Variants in KLHL32 observed in about 807,000 individuals in gnomAD.
The protein encoded by KLHL32 is kelch-like protein 32.
KLHL32 carries 35 observed loss-of-function variants against 64.8 expected under a neutral mutation model. That is an observed-to-expected ratio of 0.54 (90% CI 0.41 to 0.72). The LOEUF is 0.72. KLHL32 is among the 30% of genes least tolerant of loss of function. The pLI, the probability that KLHL32 is intolerant of heterozygous loss-of-function variation, is 0.00. For synonymous variants in KLHL32, 259 were observed against 281.0 expected, an observed-to-expected ratio of 0.92 and a Z score of 0.78; for missense variants, 589 against 768.5, an observed-to-expected ratio of 0.77 and a Z score of 2.76.
intron 1 of KLHL32, among the ~76,000 whole-genome samples, chr6:96,961,711 G>T (rs1773902379): frequency 6.6e-6 from 1 of 152,190 alleles, no homozygotes; most frequent in Admixed American, 6.5e-5. Flanking sequence ...AGTCGGAAAG[G>T]TGAGGTAATT....
intron 6 of KLHL32, among the ~76,000 whole-genome samples, chr6:97,111,029 T>G (rs1583060479): frequency 1.4e-5 from 2 of 144,688 alleles, no homozygotes; most frequent in East Asian, 4.2e-4. Flanking sequence ...CAGAAAAGTC[T>G]TGGGGGGGGG....
At chr6:96,993,498 TC>T (rs1026240168) in intron 3 of KLHL32, among the ~76,000 whole-genome samples, 3 of 152,154 alleles carry the variant, frequency 2.0e-5, no homozygotes, top group Admixed American at 6.5e-5. Context: ...TTTGCTAATG[TC>T]CCCCCTGCTG....
At chr6:96,950,738 T>A (rs1247591616) in intron 1 of KLHL32, among the ~76,000 whole-genome samples, 3 of 152,228 alleles carry the variant, frequency 2.0e-5, no homozygotes, top group Non-Finnish European at 4.4e-5. Flanking sequence ...ATTAGCATGT[T>A]CGTCACACCA....
chr6:97,070,418 C>T (rs938031716), intron 5 of KLHL32, among the ~76,000 whole-genome samples: 4 of 152,094 alleles, frequency 2.6e-5, no homozygotes, highest in African/African-American at 9.7e-5. Context: ...TGAAATGCAT[C>T]ATAAGATCTG....
intron 3 of KLHL32, chr6:97,025,205 G>A (rs1782547487): frequency 1.2e-6 from 1 of 833,828 alleles, no homozygotes; most frequent in Non-Finnish European, 1.4e-6. Context: ...TATCGTCTTT[G>A]TAAAAATCTG....
chr6:96,914,688 AT>A, the KLHL32 span: 610 of 146,070 alleles, frequency 4.2e-3, 10 homozygotes, highest in African/African-American at 0.015. Context: ...TTTTTCTTTT[AT>A]TTTTTTTTTA....
chr6:97,096,870 G>C (rs568616014), intron 6 of KLHL32, among the ~76,000 whole-genome samples: 1 of 152,298 alleles, frequency 6.6e-6, no homozygotes, highest in Admixed American at 6.5e-5. Context: ...GGATATTCCT[G>C]CCCTTGGTTT....
At chr6:96,911,793 C>T in the KLHL32 span, among the ~76,000 whole-genome samples, 4 of 94,240 alleles carry the variant, frequency 4.2e-5, no homozygotes, top group Non-Finnish European at 8.7e-5. Context: ...TTGAAATATT[C>T]TTTTTCCATA....
intron 1 of KLHL32, among the ~76,000 whole-genome samples, chr6:96,938,788 C>G (rs1330088445): frequency 3.9e-5 from 6 of 152,316 alleles, no homozygotes; most frequent in African/African-American, 1.2e-4. Context: ...GGGACAGTTA[C>G]ACCCACCCTG....
intron 6 of KLHL32, among the ~76,000 whole-genome samples, chr6:97,112,413 G>A (rs1239504651): frequency 1.3e-5 from 2 of 151,720 alleles, no homozygotes; most frequent in Non-Finnish European, 2.9e-5. Flanking sequence ...ATTACTTTAG[G>A]TGCTCCATAA....
intron 3 of KLHL32, among the ~76,000 whole-genome samples, chr6:97,022,013 C>T (rs1782058928): frequency 1.3e-5 from 2 of 150,876 alleles, no homozygotes; most frequent in South Asian, 4.1e-4. Context: ...CTAGTACTAC[C>T]ACCCTGGTCT....
chr6:97,123,241 A>C (rs1260939736), intron 7 of KLHL32, among the ~76,000 whole-genome samples: 2 of 152,148 alleles, frequency 1.3e-5, no homozygotes, highest in East Asian at 3.9e-4. Context: ...GTTGCTTTTG[A>C]GTAGAATATG....
intron 8 of KLHL32, among the ~76,000 whole-genome samples, chr6:97,128,614 C>A (rs1291429982): frequency 6.6e-6 from 1 of 152,208 alleles, no homozygotes; most frequent in African/African-American, 2.4e-5. Flanking sequence ...CTCTTCTAGG[C>A]CTTTGTGGAG....
At chr6:96,939,084 A>G (rs1301575252) in intron 1 of KLHL32, among the ~76,000 whole-genome samples, 2 of 152,150 alleles carry the variant, frequency 1.3e-5, no homozygotes, top group East Asian at 3.9e-4. Context: ...GCAAACAACT[A>G]TGAGACATGG....
At chr6:96,993,577 T>C (rs1212148855) in intron 3 of KLHL32, among the ~76,000 whole-genome samples, 1 of 152,206 alleles carries the variant, frequency 6.6e-6, no homozygotes, top group Non-Finnish European at 1.5e-5. Context: ...CAAAAGGGCA[T>C]AGACACAAGT....
At chr6:96,918,925 C>G in the KLHL32 span, among the ~76,000 whole-genome samples, 2 of 152,300 alleles carry the variant, frequency 1.3e-5, no homozygotes, top group South Asian at 4.1e-4. Flanking sequence ...GAAGAGCCAT[C>G]TCTCCGCCTG....
At chr6:96,923,488 G>A (rs953453118), upstream of KLHL32, among the ~76,000 whole-genome samples, 3 of 152,144 alleles carry the variant, frequency 2.0e-5, no homozygotes, top group African/African-American at 7.2e-5. Flanking sequence ...TAGGTACCCA[G>A]CATCCTAGCG....
At chr6:97,102,818 G>A (rs1372022773) in intron 6 of KLHL32, among the ~76,000 whole-genome samples, 1 of 151,832 alleles carries the variant, frequency 6.6e-6, no homozygotes, top group Non-Finnish European at 1.5e-5. Flanking sequence ...TACTAGATAT[G>A]GGATGGGAAT....
At chr6:96,951,921 C>T (rs968477367) in intron 1 of KLHL32, among the ~76,000 whole-genome samples, 1 of 152,112 alleles carries the variant, frequency 6.6e-6, no homozygotes, top group Admixed American at 6.6e-5. Flanking sequence ...ATTACAAGGT[C>T]AATCAGAGAA....
Sources: allele counts gnomAD v4.1 joint callset (sites outside exome capture counted in the v4.1 genomes callset), GRCh38; gene constraint gnomAD v4.1.1; transcripts MANE v1.5; gene names NCBI Gene and HGNC (gene_info 2026-07-23, HGNC 2026-07-21).